RNF19A: variants seen among roughly 807,000 people sequenced by gnomAD.
The protein encoded by RNF19A is ring finger protein 19A, RBR E3 ubiquitin protein ligase.
RNF19A carries 32 observed loss-of-function variants against 75.7 expected under a neutral mutation model. The observed-to-expected ratio is 0.42, with a 90% CI of 0.32 to 0.57. The LOEUF is 0.57. RNF19A is among the 20% of genes least tolerant of loss of function. The probability of loss-of-function intolerance (pLI) is 0.10; values close to 1 mark genes in which losing one functional copy is unlikely to be tolerated. For synonymous variants in RNF19A, 335 were observed against 345.2 expected, an observed-to-expected ratio of 0.97 and a Z score of 0.33; for missense variants, 782 against 1,036.3, an observed-to-expected ratio of 0.75 and a Z score of 3.37.
Position 100,324,539 on chromosome 8 carries a change from T to C in RNF19A, c.-242-11167A>G, listed in dbSNP as rs2130369351. Among the ~76,000 whole-genome samples, 1 of 152,254 alleles carries C rather than the reference T, an allele frequency of 6.6e-6. No homozygotes were observed. The highest frequency in any genetic ancestry group is 1.9e-4 in the East Asian group (1 of 5,188). Reference sequence around the variant, plus strand: ...GGAGGAGAGTGGAAGTTCCTTTCATTCTCTCCTCTGTCCAAACCCTACTCC... The same window carrying C: ...GGAGGAGAGTGGAAGTTCCTTTCATCCTCTCCTCTGTCCAAACCCTACTCC... On this transcript the variant is annotated intron_variant, in intron 1 of 3. Coordinates refer to the RNF19A transcript ENST00000519527. This position sits in a 1 kb window ranked among gnomAD's most constrained non-coding sequence, Gnocchi z 4.2.
chr8:100,325,358 A>G lies in RNF19A; in HGVS notation c.-243+10750T>C, dbSNP rs779268436. 1.3e-5 allele frequency among the ~76,000 whole-genome samples: 2 copies of G among 152,156 alleles called. No homozygotes were observed. Among genetic ancestry groups the G allele is most frequent in the African/African-American group, 2.4e-5 (1 of 41,418 alleles). Reference sequence around the variant, plus strand: ...TACAATGTAACTGTGTAAATTTATAAATTATAAAATTACAAAGTAATTCTG... The same window carrying G: ...TACAATGTAACTGTGTAAATTTATAGATTATAAAATTACAAAGTAATTCTG... On this transcript the variant is annotated intron_variant, in intron 1 of 3. Coordinates refer to the RNF19A transcript ENST00000519527. The surrounding 1 kb of genome is among the most constrained non-coding windows in gnomAD (Gnocchi z 4.3).
At chr8:100,286,670 T>G (rs922180164) in intron 2 of RNF19A, among the ~76,000 whole-genome samples, 1 of 152,206 alleles carries the variant, frequency 6.6e-6, no homozygotes, top group Non-Finnish European at 1.5e-5. Flanking sequence ...GAAACTCACA[T>G]CCCAGTCTTG....
intron 2 of RNF19A, among the ~76,000 whole-genome samples, chr8:100,285,567 T>C (rs780673099): frequency 3.3e-5 from 5 of 152,164 alleles, no homozygotes; most frequent in African/African-American, 4.8e-5. Context: ...TCCCTGAATT[T>C]ACTGTCTTAA....
chr8:100,319,167 T>C (rs1822427751), intron 1 of RNF19A, among the ~76,000 whole-genome samples: 1 of 152,250 alleles, frequency 6.6e-6, no homozygotes, highest in South Asian at 2.1e-4. Context: ...GTTTACTAAG[T>C]TATTTTATGG....
chr8:100,262,933 C>T (rs1022612244), intron 7 of RNF19A, among the ~76,000 whole-genome samples: 1 of 151,824 alleles, frequency 6.6e-6, no homozygotes, highest in Non-Finnish European at 1.5e-5. Context: ...GGTTTTTGGC[C>T]CAAGCAACAG....
rs946612300 is a variant in RNF19A at position 100,285,350 on chromosome 8, G to A, written c.674+2151C>T. Among the ~76,000 whole-genome samples the A allele has an allele frequency of 3.3e-5, 5 of 151,766 alleles. No homozygotes were observed. In the East Asian group the frequency reaches 7.7e-4, roughly 23 times the overall value. On this transcript the variant is annotated intron_variant, in intron 2 of 9. Transcript: ENST00000341084. ...TTTCCCCCTCAAATAACTAATTTTC[G>A]TAATTCTATATGTTGAATAATCAAT...
chr8:100,283,962 C>T (rs1371528512), intron 2 of RNF19A, among the ~76,000 whole-genome samples: 1 of 151,946 alleles, frequency 6.6e-6, no homozygotes, highest in Non-Finnish European at 1.5e-5. Context: ...GGGCGGTCCT[C>T]TGTGTGTTTC....
chr8:100,279,268 C>G (rs896466762), intron 2 of RNF19A, among the ~76,000 whole-genome samples: 1 of 152,084 alleles, frequency 6.6e-6, no homozygotes, highest in Non-Finnish European at 1.5e-5. Flanking sequence ...CATATATACA[C>G]ACGGTATATT....
chr8:100,290,557 AAACATTT>A (rs1253512281), intron 1 of RNF19A, among the ~76,000 whole-genome samples: 1 of 152,200 alleles, frequency 6.6e-6, no homozygotes, highest in East Asian at 1.9e-4. Context: ...TTCTCTGGAA[AAACATTT>A]CACTCAAACA....
At chr8:100,309,815 G>T (rs1274155888) in intron 1 of RNF19A, 52 bp downstream of exon 1, 1 of 985,572 alleles carries the variant, frequency 1.0e-6, no homozygotes. Flanking sequence ...AGCGAGAGCC[G>T]CCCCTTCTCT....
In RNF19A at chr8:100,269,852, T is replaced by A. The variant is rs966351087; in HGVS notation, c.1028+17A>T. ...AAAATTACATTTACATATAAATAGC[T>A]CCTTCTATAAGCTTACCTTAGATAA... is the stretch of plus-strand genomic sequence containing the variant. On this transcript the variant is annotated intron_variant, in intron 4 of 9. Transcript: ENST00000341084. The surrounding 1 kb of genome is among the most constrained non-coding windows in gnomAD (Gnocchi z 5.7). 1.3e-6 allele frequency: 2 copies of A among 1,558,714 alleles called. No homozygotes were observed. The highest frequency in any genetic ancestry group is 1.2e-5 in the South Asian group (1 of 81,594).
At position 100,261,735 on chromosome 8, in the gene RNF19A, C is replaced by T. The variant is rs765727710; in HGVS notation, c.1489G>A (p.Ala497Thr). The T allele has an allele frequency of 1.9e-6, 3 of 1,614,118 alleles. No individual in the cohort carries two copies. The highest frequency in any genetic ancestry group is 2.2e-5 in the South Asian group (2 of 91,084). ...TCCCCTATGCTTGGGTTGTGTCTTG[C>T]TTCTGCTACTGATGTTGTGTCTAAA... ...TAVDTTSVAEARHNPSIGEGS... is the reference protein window; with the variant it reads ...TAVDTTSVAETRHNPSIGEGS... Residue 497 changes from alanine (A) to threonine (T), a missense_variant, in exon 8 of 10, where the codon GCA (alanine) becomes ACA (threonine). Transcript: ENST00000341084. The surrounding 1 kb of genome is among the most constrained non-coding windows in gnomAD (Gnocchi z 4.4).
intron 3 of RNF19A, 91 bp from the exon 4 acceptor site, chr8:100,270,104 T>C: frequency 1.8e-6 from 2 of 1,111,622 alleles, no homozygotes; most frequent in Admixed American, 3.0e-5. Context: ...TGTCAAAAAA[T>C]CTTAAGATGT....
Position 100,269,045 on chromosome 8 carries a change from C to A in RNF19A, c.1029-98G>T. Reference sequence around the variant, plus strand: ...ACAATGACTATTTTTAAAAACTTCTCATAGTTAGGAGCTTTTTTCCCCTTT... The same window carrying A: ...ACAATGACTATTTTTAAAAACTTCTAATAGTTAGGAGCTTTTTTCCCCTTT... On this transcript the variant is annotated intron_variant, in intron 4 of 9. Transcript: ENST00000341084. The surrounding 1 kb of genome is among the most constrained non-coding windows in gnomAD (Gnocchi z 5.7). 1 of 901,232 alleles carries A rather than the reference C, an allele frequency of 1.1e-6. No individual in the cohort carries two copies. The highest frequency in any genetic ancestry group is 3.1e-5 in the South Asian group (1 of 31,838). The allele number at this position is 901,232 out of a possible 1,614,324, so 55.8% of individuals were successfully genotyped here. A position where few individuals can be genotyped will look rare whatever the true frequency, so the allele number is the denominator to read the frequency against.
intron 1 of RNF19A, among the ~76,000 whole-genome samples, chr8:100,315,523 GATCATTGGA>G (rs1822360225): frequency 1.3e-5 from 2 of 152,182 alleles, no homozygotes; most frequent in Admixed American, 1.3e-4. Context: ...CAGCACAATT[GATCATTGGA>G]ATGTGCTACT....
upstream of RNF19A, chr8:100,310,226 G>A: frequency 3.0e-6 from 3 of 985,136 alleles, no homozygotes; most frequent in Non-Finnish European, 3.6e-6. Flanking sequence ...CACCGGGCCC[G>A]CTGCGGGCGG....
rs1159241817 is a variant in RNF19A, at chr8:100,275,190, A to G, written c.675-29T>C. ...GAAAGAACAAGAAAAATGATTTAAAATGTGACATAAAACAAGAGATACTCA... is the reference window on the plus strand; with the variant it reads ...GAAAGAACAAGAAAAATGATTTAAAGTGTGACATAAAACAAGAGATACTCA... On this transcript the variant is annotated intron_variant, in intron 2 of 9. Transcript: ENST00000341084. The surrounding 1 kb of genome is among the most constrained non-coding windows in gnomAD (Gnocchi z 4.3). The G allele has an allele frequency of 1.3e-6, 2 of 1,590,768 alleles. No homozygotes were observed. Among genetic ancestry groups the G allele is most frequent in the Non-Finnish European group, 1.7e-6 (2 of 1,159,672 alleles).
chr8:100,300,014 T>G (rs1193480675), intron 1 of RNF19A, among the ~76,000 whole-genome samples: 1 of 152,186 alleles, frequency 6.6e-6, no homozygotes, highest in Non-Finnish European at 1.5e-5. Flanking sequence ...GAGTGCAATC[T>G]GTAAGAGGTG....
Position 100,258,540 on chromosome 8 carries a change from T to C in RNF19A, c.*16A>G. ...CACGGTTGTACAGTGGTAATTATTC[T>C]GCAGCATTTATGGGCCTAAATTTCA... On this transcript the variant is annotated 3_prime_UTR_variant, in exon 10 of 10. Coordinates refer to ENST00000341084, the MANE Select transcript of RNF19A (RefSeq NM_183419.4). The surrounding 1 kb of genome is among the most constrained non-coding windows in gnomAD (Gnocchi z 4.3). 5 of 1,582,854 alleles carry C rather than the reference T, an allele frequency of 3.2e-6. No homozygotes were observed. Among genetic ancestry groups the C allele is most frequent in the Non-Finnish European group, 4.3e-6 (5 of 1,161,240 alleles).
Sources: gnomAD v4.1 joint callset for allele counts (sites outside exome capture counted in the v4.1 genomes callset) on GRCh38, gnomAD v4.1.1 for gene constraint, Gnocchi (gnomAD v3.1) non-coding constraint, MANE v1.5 for transcripts, NCBI Gene and HGNC (gene_info 2026-07-23, HGNC 2026-07-21) for gene names.